Variants in ARHGAP6 observed in about 807,000 individuals in gnomAD.
ARHGAP6 encodes Rho GTPase activating protein 6.
In ARHGAP6, 16 loss-of-function variants were observed where a neutral mutation model predicts 55.7. The ratio of observed to expected loss-of-function variants is 0.29; its 90% CI spans 0.19 to 0.44. The LOEUF (loss-of-function observed/expected upper bound fraction) is 0.44. Ranked by LOEUF, ARHGAP6 falls within the 20% of genes least tolerant of loss-of-function variation. ARHGAP6 has a pLI of 1.00. For missense variants in ARHGAP6, 698 were observed against 808.9 expected (o/e 0.86, Z 1.66); for synonymous variants, 382 against 360.9 (o/e 1.06, Z -0.66).
At chrX:11,312,994 A>G (rs191627064) in intron 1 of ARHGAP6, among the ~76,000 whole-genome samples, 276 of 112,206 alleles carry the variant, frequency 2.5e-3, no homozygotes, top group South Asian at 3.7e-3. Flanking sequence ...AATAACAGTA[A>G]TCTTCTTAAA....
rs144424734 is a variant in ARHGAP6, at chrX:11,494,443, G to A, written c.588+169798C>T. ...AGATTACAGAAGCAAGATTCAGAAG[G>A]TCATGGCAAATGGACCTAATAAATA... On this transcript the variant is annotated intron_variant, in intron 1 of 12. Transcript: ENST00000337414. 4.7e-3 allele frequency among the ~76,000 whole-genome samples: 530 copies of A among 112,428 alleles called. 3 individuals carry two copies. The highest frequency in any genetic ancestry group is 6.5e-3 in the Non-Finnish European group (348 of 53,248).
intron 1 of ARHGAP6, among the ~76,000 whole-genome samples, chrX:11,588,451 C>T (rs1470349513): frequency 8.9e-6 from 1 of 111,865 alleles, no homozygotes; most frequent in Non-Finnish European, 1.9e-5. Context: ...CATCTGCCTA[C>T]CCAAAAACTT....
At chrX:11,262,160 T>C (rs1194373952) in intron 1 of ARHGAP6, among the ~76,000 whole-genome samples, 3 of 112,069 alleles carry the variant, frequency 2.7e-5, no homozygotes, top group African/African-American at 9.7e-5. Context: ...ATAGGGCTTA[T>C]TTTAAGCTAG....
intron 2 of ARHGAP6, among the ~76,000 whole-genome samples, chrX:11,219,349 C>T (rs1324907412): frequency 2.0e-4 from 20 of 102,545 alleles, no homozygotes; most frequent in African/African-American, 6.6e-4. Context: ...AATAAACATA[C>T]GTGTGCATGT....
Position 11,171,161 on chromosome X carries a change from C to T in ARHGAP6, c.1630-1477G>A, listed in dbSNP as rs372647492. ...GAAGGGAACTATTTTTTGCTTGAAG[C>T]ATAAAAAATTATTCACATTCAATAT... On this transcript the variant is annotated intron_variant, in intron 8 of 12. Coordinates refer to ENST00000337414, the MANE Select transcript of ARHGAP6 (RefSeq NM_013427.3). Among the ~76,000 whole-genome samples, 65 of 110,362 alleles carry T rather than the reference C, an allele frequency of 5.9e-4. 1 individual carries two copies. Among genetic ancestry groups the T allele is most frequent in the African/African-American group, 1.8e-3 (54 of 30,315 alleles).
intron 1 of ARHGAP6, among the ~76,000 whole-genome samples, chrX:11,616,965 G>T (rs770158427): frequency 1.8e-5 from 2 of 111,774 alleles, no homozygotes; most frequent in East Asian, 5.6e-4. Context: ...ACATTCTTTT[G>T]AGTAGACAAT....
chrX:11,544,995 C>T lies in ARHGAP6; in HGVS notation c.588+119246G>A, dbSNP rs138385460. Among the ~76,000 whole-genome samples, 615 of 112,239 alleles carry T rather than the reference C, an allele frequency of 5.5e-3. 4 individuals carry two copies. Among genetic ancestry groups the T allele is most frequent in the African/African-American group, 0.019 (591 of 30,914 alleles). On this transcript the variant is annotated intron_variant, in intron 1 of 12. Transcript: ENST00000337414. ...GTAGATAGTTCATAATTATGTTTAACGTTCAGCTGGAGATCCATTGCAGTG... is the reference window on the plus strand; with the variant it reads ...GTAGATAGTTCATAATTATGTTTAATGTTCAGCTGGAGATCCATTGCAGTG...
chrX:11,176,466 A>T lies in ARHGAP6; in HGVS notation c.1629+1634T>A, dbSNP rs59960565. Among the ~76,000 whole-genome samples the T allele has an allele frequency of 7.7e-3, 789 of 102,310 alleles. 8 individuals carry two copies. Among genetic ancestry groups the T allele is most frequent in the African/African-American group, 0.026 (734 of 28,414 alleles). 88.8% of individuals were successfully genotyped at this position (102,310 alleles called of 115,157 possible). A position where few individuals can be genotyped will look rare whatever the true frequency, so the allele number is the denominator to read the frequency against. On this transcript the variant is annotated intron_variant, in intron 8 of 12. Coordinates refer to ENST00000337414, the MANE Select transcript of ARHGAP6 (RefSeq NM_013427.3). The stretch of plus-strand genomic sequence containing the variant: ...TATTTTCTTCTTTTTGGCATAGGCA[A>T]TGGAGACTTGTTCAGCAATTGAATG...
chrX:11,351,466 G>A (rs2048863082), intron 1 of ARHGAP6: 1 of 959,039 alleles, frequency 1.0e-6, no homozygotes, highest in Admixed American at 3.3e-5. Context: ...TTGAAGGCTA[G>A]AGAAGGATTC....
chrX:11,298,257 T>C (rs1035216478), intron 1 of ARHGAP6: 3 of 1,211,401 alleles, frequency 2.5e-6, no homozygotes, highest in Non-Finnish European at 3.4e-6. Flanking sequence ...TTTGAAGTGG[T>C]ACCAGAGCAT....
chrX:11,309,061 G>A (rs1052051496), intron 1 of ARHGAP6, among the ~76,000 whole-genome samples: 1 of 111,610 alleles, frequency 9.0e-6, no homozygotes, highest in African/African-American at 3.3e-5. Context: ...AGGACACATT[G>A]AGCAAATCCC....
chrX:11,511,866 A>G (rs760411590), intron 1 of ARHGAP6, among the ~76,000 whole-genome samples: 8 of 110,757 alleles, frequency 7.2e-5, no homozygotes, highest in South Asian at 3.9e-4. Context: ...TCGCTCTGTC[A>G]CCCAGGCTGG....
chrX:11,443,313 G>A (rs760356667), intron 1 of ARHGAP6, among the ~76,000 whole-genome samples: 36 of 112,471 alleles, frequency 3.2e-4, no homozygotes, highest in Non-Finnish European at 5.4e-4. Flanking sequence ...CATTTTGGTT[G>A]TTACCAACTT....
At chrX:11,583,790 T>A (rs768830572) in intron 1 of ARHGAP6, among the ~76,000 whole-genome samples, 16 of 111,694 alleles carry the variant, frequency 1.4e-4, no homozygotes, top group African/African-American at 4.9e-4. Context: ...AACATGATCA[T>A]CTCAAGTAAT....
In ARHGAP6 at chrX:11,242,647, G is replaced by T. The variant is rs949854923; in HGVS notation, c.748+11901C>A. 2.7e-5 allele frequency among the ~76,000 whole-genome samples: 3 copies of T among 111,488 alleles called. No individual in the cohort carries two copies. In the South Asian group the frequency reaches 1.2e-3, roughly 43 times the overall value. ...AGAGACAGGAGTTTCCAAATATCGG[G>T]GCAGGGAAAATGGCTTTTGCCAAGT... On this transcript the variant is annotated intron_variant, in intron 2 of 12. Coordinates refer to ENST00000337414, the MANE Select transcript of ARHGAP6 (RefSeq NM_013427.3).
intron 1 of ARHGAP6, among the ~76,000 whole-genome samples, chrX:11,467,984 G>GAATAAATA (rs1464267580): frequency 4.4e-5 from 2 of 45,775 alleles, no homozygotes; most frequent in African/African-American, 7.8e-5. Context: ...TGTCTTAAAT[G>GAATAAATA]AATGAATGAA....
At chrX:11,412,833 G>A (rs2049703067) in intron 1 of ARHGAP6, among the ~76,000 whole-genome samples, 1 of 112,556 alleles carries the variant, frequency 8.9e-6, no homozygotes, top group South Asian at 3.7e-4. Context: ...CTTGGTCAAT[G>A]TGACAAATAT....
At chrX:11,210,489 G>A (rs1478209832) in intron 2 of ARHGAP6, among the ~76,000 whole-genome samples, 1 of 112,334 alleles carries the variant, frequency 8.9e-6, no homozygotes, top group Non-Finnish European at 1.9e-5. Flanking sequence ...TCAAAAACAA[G>A]AACTTGAAAA....
chrX:11,633,024 C>G (rs2052377596), intron 1 of ARHGAP6, among the ~76,000 whole-genome samples: 1 of 111,773 alleles, frequency 8.9e-6, no homozygotes, highest in Admixed American at 9.5e-5. Context: ...TTTACCCTCC[C>G]AAGCACCCCG....
Sources: allele counts gnomAD v4.1 joint callset (sites outside exome capture counted in the v4.1 genomes callset), GRCh38; gene constraint gnomAD v4.1.1; transcripts MANE v1.5; gene names NCBI Gene and HGNC (gene_info 2026-07-23, HGNC 2026-07-21).